RANBP17: variants seen among roughly 807,000 people sequenced by gnomAD.
The protein encoded by RANBP17 is ran-binding protein 17.
A neutral mutation model predicts 141.2 loss-of-function variants in RANBP17; 158 were observed. The observed-to-expected ratio is 1.12, with a 90% CI of 0.98 to 1.28. The LOEUF is 1.28. Ranked by LOEUF, RANBP17 falls within the 50% of genes most tolerant of loss-of-function variation. The pLI is 0.00. For missense variants in RANBP17, 1,438 were observed against 1,290.7 expected, an observed-to-expected ratio of 1.11 and a Z score of -1.75; for synonymous variants, 430 against 450.0, an observed-to-expected ratio of 0.96 and a Z score of 0.56.
At chr5:171,238,637 T>C (rs1764688975) in intron 22 of RANBP17, among the ~76,000 whole-genome samples, 1 of 152,216 alleles carries the variant, frequency 6.6e-6, no homozygotes, top group Admixed American at 6.5e-5. Flanking sequence ...CTGTTCTTTC[T>C]TGGGAAGGGG....
chr5:171,200,028 A>G (rs560265016), intron 19 of RANBP17, among the ~76,000 whole-genome samples: 1 of 152,272 alleles, frequency 6.6e-6, no homozygotes, highest in Admixed American at 6.5e-5. Flanking sequence ...GGCAGTTACT[A>G]TCTTTAATAG....
chr5:171,021,337 G>A (rs1780841080), intron 14 of RANBP17, among the ~76,000 whole-genome samples: 1 of 152,180 alleles, frequency 6.6e-6, no homozygotes, highest in South Asian at 2.1e-4. Flanking sequence ...GATTGGGGGA[G>A]TTCTCCTGGA....
intron 24 of RANBP17, among the ~76,000 whole-genome samples, chr5:171,261,075 AC>A (rs1274119353): frequency 8.7e-5 from 3 of 34,422 alleles, no homozygotes; most frequent in African/African-American, 4.5e-4. Context: ...CATTAGCTTC[AC>A]CCCCCACCCC....
At chr5:171,171,924 A>G (rs1371391231) in intron 16 of RANBP17, among the ~76,000 whole-genome samples, 1 of 151,964 alleles carries the variant, frequency 6.6e-6, no homozygotes, top group African/African-American at 2.4e-5. Flanking sequence ...AAAACCAAGA[A>G]TCTTCTTACT....
intron 25 of RANBP17, among the ~76,000 whole-genome samples, chr5:171,290,727 TTAGA>T (rs1768443602): frequency 1.3e-5 from 2 of 152,334 alleles, no homozygotes; most frequent in African/African-American, 4.8e-5. Flanking sequence ...CTCAACAAAG[TTAGA>T]TAGTTGTGAA....
At chr5:170,997,468 A>T (rs909788658) in intron 14 of RANBP17, among the ~76,000 whole-genome samples, 8 of 152,206 alleles carry the variant, frequency 5.3e-5, no homozygotes, top group African/African-American at 1.9e-4. Flanking sequence ...ACTCTTGAAG[A>T]AACTGGTCCA....
chr5:171,202,688 G>A (rs1415466606), intron 19 of RANBP17, among the ~76,000 whole-genome samples: 1 of 151,996 alleles, frequency 6.6e-6, no homozygotes, highest in East Asian at 1.9e-4. Flanking sequence ...AACACCTTGG[G>A]GCCTGCTCAT....
At chr5:171,121,254 T>A (rs2127773346) in intron 14 of RANBP17, among the ~76,000 whole-genome samples, 1 of 152,322 alleles carries the variant, frequency 6.6e-6, no homozygotes, top group Non-Finnish European at 1.5e-5. Context: ...TGGGGCTATT[T>A]CTCAGGCTTG....
In RANBP17 at chr5:171,019,677, A is replaced by G. The variant is rs187507416; in HGVS notation, c.1710+51300A>G. Among the ~76,000 whole-genome samples the G allele has an allele frequency of 1.3e-4, 20 of 151,556 alleles. 1 individual carries two copies. The highest frequency in any genetic ancestry group is 3.4e-3 in the Middle Eastern group (1 of 290). On this transcript the variant is annotated intron_variant, in intron 14 of 27. Coordinates refer to ENST00000523189, the MANE Select transcript of RANBP17 (RefSeq NM_022897.5). ...CTTCTTTATTAGTCTAGCTAGAGGCATATCTATTTTGTTAATTTTTTTTTT... is the reference window on the plus strand; with the variant it reads ...CTTCTTTATTAGTCTAGCTAGAGGCGTATCTATTTTGTTAATTTTTTTTTT...
At chr5:170,937,685 G>T (rs1475204341) in intron 12 of RANBP17, among the ~76,000 whole-genome samples, 1 of 152,138 alleles carries the variant, frequency 6.6e-6, no homozygotes, top group African/African-American at 2.4e-5. Context: ...CTTTACAGGT[G>T]ACCCTGTAAG....
intron 3 of RANBP17, among the ~76,000 whole-genome samples, chr5:170,889,876 G>A (rs1769456590): frequency 6.6e-6 from 1 of 152,096 alleles, no homozygotes; most frequent in African/African-American, 2.4e-5. Context: ...TTAAATGATT[G>A]TAATTATTGG....
At chr5:170,910,879 C>T in intron 6 of RANBP17, 90 bp from the exon 7 acceptor site, 1 of 1,280,228 alleles carries the variant, frequency 7.8e-7, no homozygotes, top group Non-Finnish European at 1.1e-6. Context: ...TATTAGTTTT[C>T]ATTTGACATT....
In RANBP17 at chr5:171,006,694, A is replaced by G. The variant is rs533169730; in HGVS notation, c.1710+38317A>G. On this transcript the variant is annotated intron_variant, in intron 14 of 27. Transcript: ENST00000523189. ...ACACCAACATGGCACATGTATACAT[A>G]TGTAACAAATCTGCACATTGTGCAC... Among the ~76,000 whole-genome samples, 21 of 151,762 alleles carry G rather than the reference A, an allele frequency of 1.4e-4. No homozygotes were observed. The East Asian group carries it at 3.1e-3, about 22-fold the overall frequency.
At position 171,278,241 on chromosome 5, in the gene RANBP17, G is replaced by A. The variant is rs952676438; in HGVS notation, c.2943+12394G>A. Among the ~76,000 whole-genome samples the A allele has an allele frequency of 8.5e-5, 13 of 152,106 alleles. No individual in the cohort carries two copies. In the South Asian group the frequency reaches 1.9e-3, roughly 22 times the overall value. On this transcript the variant is annotated intron_variant, in intron 25 of 27. Coordinates refer to ENST00000523189, the MANE Select transcript of RANBP17 (RefSeq NM_022897.5). ...CTCTACAAAAAAAATTAAATTGGCCGGGTGTGGTGGCTCACGCCTGTAATC... is the reference window on the plus strand; with the variant it reads ...CTCTACAAAAAAAATTAAATTGGCCAGGTGTGGTGGCTCACGCCTGTAATC...
chr5:171,039,536 G>T (rs1326488494), intron 14 of RANBP17, among the ~76,000 whole-genome samples: 1 of 151,804 alleles, frequency 6.6e-6, no homozygotes. Flanking sequence ...TTTATAGATT[G>T]TCTGTTTGTT....
intron 22 of RANBP17, among the ~76,000 whole-genome samples, chr5:171,222,304 CTATTCAAT>C (rs1454022000): frequency 2.6e-5 from 4 of 152,172 alleles, no homozygotes. Context: ...AAAGATTGTC[CTATTCAAT>C]TAAAGTCCAA....
At chr5:171,284,758 G>C (rs1768056197) in intron 25 of RANBP17, 1 of 152,196 alleles carries the variant, frequency 6.6e-6, no homozygotes, top group Admixed American at 6.6e-5. Flanking sequence ...GTCTGTCTCT[G>C]CTACCCTACC....
intron 14 of RANBP17, among the ~76,000 whole-genome samples, chr5:170,991,242 AT>A (rs889579775): frequency 1.6e-4 from 25 of 152,080 alleles, no homozygotes; most frequent in African/African-American, 5.3e-4. Flanking sequence ...TGCATCAATT[AT>A]TTTTAATTGA....
rs552658417 is a variant in RANBP17 at position 171,150,427 on chromosome 5, TAAAA to T, written c.1711-19699_1711-19696del. Among the ~76,000 whole-genome samples the T allele has an allele frequency of 1.8e-3, 273 of 151,782 alleles. 2 individuals are homozygous for T. The highest frequency in any genetic ancestry group is 6.4e-3 in the African/African-American group (265 of 41,370). On this transcript the variant is annotated intron_variant, in intron 14 of 27. Coordinates refer to ENST00000523189, the MANE Select transcript of RANBP17 (RefSeq NM_022897.5). ...TATTAATTTATATGTCCCCTCTCAT[TAAAA>T]AAAGAAAGAAAAAAGCATTACACAA...
Sources: gnomAD v4.1 joint callset for allele counts (sites outside exome capture counted in the v4.1 genomes callset) on GRCh38, gnomAD v4.1.1 for gene constraint, MANE v1.5 for transcripts, NCBI Gene and HGNC (gene_info 2026-07-23, HGNC 2026-07-21) for gene names.